TMEM132E: variants seen among roughly 807,000 people sequenced by gnomAD.
TMEM132E encodes transmembrane protein 132E.
TMEM132E carries 49 observed loss-of-function variants against 78.5 expected under a neutral mutation model. The observed-to-expected ratio is 0.62, with a 90% CI of 0.50 to 0.79. TMEM132E has a LOEUF of 0.79. TMEM132E is among the 30% of genes least tolerant of loss of function. The pLI, the probability that TMEM132E is intolerant of heterozygous loss-of-function variation, is 0.00. For synonymous variants in TMEM132E, 715 were observed against 670.6 expected, an observed-to-expected ratio of 1.07 and a Z score of -1.02; for missense variants, 1,403 against 1,470.9, an observed-to-expected ratio of 0.95 and a Z score of 0.75.
chr17:34,602,188 G>A (rs540129021), intron 1 of TMEM132E, among the ~76,000 whole-genome samples: 111 of 152,362 alleles, frequency 7.3e-4, no homozygotes, highest in African/African-American at 2.5e-3. Flanking sequence ...AGCTGCCTCC[G>A]CATGGCCTCC....
chr17:34,613,040 G>A (rs911609748), intron 1 of TMEM132E, among the ~76,000 whole-genome samples: 1 of 151,836 alleles, frequency 6.6e-6, no homozygotes, highest in South Asian at 2.1e-4. Flanking sequence ...CTTGCCCAGG[G>A]CTGAATGGGC....
Position 34,637,772 on chromosome 17 carries a change from C to T in TMEM132E, c.2765C>T (p.Pro922Leu). The T allele has an allele frequency of 6.2e-7, 1 of 1,613,532 alleles. No homozygotes were observed. Among genetic ancestry groups the T allele is most frequent in the Non-Finnish European group, 8.5e-7 (1 of 1,179,986 alleles). ...CTGCGCTACCGGCACAAGCGCATCCCGCCCGAGGGCCAGACCAGCATGGAC... is the reference window on the plus strand; with the variant it reads ...CTGCGCTACCGGCACAAGCGCATCCTGCCCGAGGGCCAGACCAGCATGGAC... Reference protein sequence around the residue: ...FVLRYRHKRIPPEGQTSMDHS... With the variant: ...FVLRYRHKRILPEGQTSMDHS... The change falls in exon 9 of 9, where the codon CCG becomes CTG. Residue 922 changes from proline (P) to leucine (L), a missense_variant. Transcript: ENST00000631683.
chr17:34,627,899 C>T (rs941012046), intron 2 of TMEM132E, among the ~76,000 whole-genome samples: 2 of 152,212 alleles, frequency 1.3e-5, no homozygotes, highest in African/African-American at 4.8e-5. Context: ...CATCAGAGAT[C>T]TTGGGCTGCA....
At chr17:34,611,319 G>A (rs1274098213) in intron 1 of TMEM132E, among the ~76,000 whole-genome samples, 1 of 152,230 alleles carries the variant, frequency 6.6e-6, no homozygotes, top group Non-Finnish European at 1.5e-5. Context: ...AGGAAGGTAA[G>A]CAGCCCTAAG....
chr17:34,626,892 G>A lies in TMEM132E; in HGVS notation c.833G>A (p.Arg278His), dbSNP rs761269980. ...LLRIGSISLF[R>H]PPPRRTLQEH... is the part of the protein sequence containing the mutation. ...CGCATCGGGAGCATCAGCCTGTTCC[G>A]CCCGCCCCCCAGGAGGACCCTGCAG... Residue 278 changes from arginine to histidine, a missense_variant, in exon 2 of 9, where the codon CGC becomes CAC. By Grantham distance (29) the Arg-to-His change is conservative (BLOSUM62 0). Around this residue, in one of 3 missense-constraint regions of TMEM132E, gnomAD observed 511 missense variants for 499.0 expected, o/e 1.02. Coordinates refer to ENST00000631683, the MANE Select transcript of TMEM132E (RefSeq NM_001304438.2). 14 of 1,612,198 alleles carry A rather than the reference G, an allele frequency of 8.7e-6. No individual in the cohort carries two copies. The highest frequency in any genetic ancestry group is 8.5e-6 in the Non-Finnish European group (10 of 1,179,880).
At chr17:34,591,213 C>T (rs1449943869) in intron 1 of TMEM132E, among the ~76,000 whole-genome samples, 1 of 152,128 alleles carries the variant, frequency 6.6e-6, no homozygotes, top group Non-Finnish European at 1.5e-5. Context: ...GTTCTGACCC[C>T]TTGGTGTACA....
At chr17:34,634,733 G>A in intron 6 of TMEM132E, 66 bp from the exon 7 acceptor site, 9 of 1,513,856 alleles carry the variant, frequency 5.9e-6, no homozygotes, top group African/African-American at 1.4e-5. Flanking sequence ...GCAAGGGTGC[G>A]GGGTGTGTAC....
In TMEM132E at chr17:34,626,688, C is replaced by A; in HGVS notation, c.629C>A (p.Thr210Lys). 2 of 1,394,766 alleles carry A rather than the reference C, an allele frequency of 1.4e-6. No individual in the cohort carries two copies. Among genetic ancestry groups the A allele is most frequent in the Non-Finnish European group, 1.9e-6 (2 of 1,067,574 alleles). The allele number at this position is 1,394,766 out of a possible 1,614,324, so 86.4% of individuals were successfully genotyped here. A position where few individuals can be genotyped will look rare whatever the true frequency, so the allele number is the denominator to read the frequency against. Residue 210 changes from threonine to lysine, a missense_variant, in exon 2 of 9, where the codon ACG (threonine) becomes AAG (lysine). Transcript: ENST00000631683. ...CCCCCAGCCCCCGCTGCGCCACCCA[C>A]GGCCCGCCGCAAGTCCCCGGACGGG... ...FGPPAPAAPP[T>K]ARRKSPDGLE...
At chr17:34,633,847 T>C (rs1284019152) in intron 6 of TMEM132E, among the ~76,000 whole-genome samples, 4 of 152,202 alleles carry the variant, frequency 2.6e-5, no homozygotes, top group South Asian at 2.1e-4. Context: ...TCCTGGGTGA[T>C]AGCGATACTG....
chr17:34,636,079 A>C lies in TMEM132E; in HGVS notation c.2050A>C (p.Thr684Pro). 1 of 1,593,194 alleles carries C rather than the reference A, an allele frequency of 6.3e-7. No homozygotes were observed. Among genetic ancestry groups the C allele is most frequent in the Middle Eastern group, 1.9e-4 (1 of 5,394 alleles). The part of the protein sequence containing the change: ...LTVTEEKVSI[T>P]QLQAQVVASL... ...GGTGACTGAGGAGAAGGTCAGCATC[A>C]CACAGCTTCAGGCCCAGGTGGTGGC... The change falls in exon 8 of 9, where the codon ACA (threonine) becomes CCA (proline). Residue 684 changes from threonine to proline, a missense_variant. Thr to Pro is a conservative substitution (Grantham distance 38). Around this residue, in one of 3 missense-constraint regions of TMEM132E, gnomAD observed 888 missense variants for 952.8 expected, o/e 0.93. Coordinates refer to ENST00000631683, the MANE Select transcript of TMEM132E (RefSeq NM_001304438.2).
Position 34,638,483 on chromosome 17 carries a change from C to G in TMEM132E, c.*251C>G, listed in dbSNP as rs1597695316. ...CAGTGGCTCGTAAGGAGGAAAGCAA[C>G]CCCAGCCTCTGTTCTGCCCTTTCCA... On this transcript the variant is annotated 3_prime_UTR_variant, in exon 9 of 9. Coordinates refer to ENST00000631683, the MANE Select transcript of TMEM132E (RefSeq NM_001304438.2). 6 of 451,126 alleles carry G rather than the reference C, an allele frequency of 1.3e-5. No individual in the cohort carries two copies. The East Asian group carries it at 2.1e-4, about 16-fold the overall frequency. The allele number at this position is 451,126 out of a possible 1,614,324, so 27.9% of individuals were successfully genotyped here.
intron 1 of TMEM132E, among the ~76,000 whole-genome samples, chr17:34,611,388 G>T (rs1200918123): frequency 2.6e-5 from 4 of 152,212 alleles, no homozygotes; most frequent in Non-Finnish European, 5.9e-5. Context: ...GGAGCTGTGA[G>T]ACCTTGGGTG....
chr17:34,626,327 C>G lies in TMEM132E; in HGVS notation c.268C>G (p.Leu90Val). 1 of 1,612,650 alleles carries G rather than the reference C, an allele frequency of 6.2e-7. No homozygotes were observed. The highest frequency in any genetic ancestry group is 1.3e-5 in the African/African-American group (1 of 75,046). ...VVFQTKELPV[L>V]NVSLGPFSTS... ...GTTCCAGACCAAGGAGCTGCCGGTC[C>G]TCAACGTCTCTCTGGGGCCCTTCAG... Residue 90 changes from leucine (L) to valine (V), a missense_variant, in exon 2 of 9, where the codon CTC becomes GTC. Coordinates refer to ENST00000631683, the MANE Select transcript of TMEM132E (RefSeq NM_001304438.2).
chr17:34,588,564 G>C (rs1905756943), intron 1 of TMEM132E, among the ~76,000 whole-genome samples: 1 of 152,156 alleles, frequency 6.6e-6, no homozygotes, highest in Admixed American at 6.5e-5. Flanking sequence ...CTAGGCATTT[G>C]GTTGTAGTCA....
chr17:34,628,787 A>C, intron 3 of TMEM132E, 78 bp downstream of exon 3: 1 of 1,468,732 alleles, frequency 6.8e-7, no homozygotes, highest in Non-Finnish European at 9.0e-7. Flanking sequence ...TTGAAGGAGG[A>C]GGCTAGGCTT....
intron 4 of TMEM132E, 86 bp downstream of exon 4, chr17:34,629,290 A>G (rs1907266960): frequency 2.1e-6 from 3 of 1,419,966 alleles, no homozygotes; most frequent in African/African-American, 1.4e-5. Context: ...ACCACTGAGT[A>G]TATGTACAAA....
rs1462663650 is a variant in TMEM132E at position 34,626,534 on chromosome 17, A to G, written c.475A>G (p.Thr159Ala). The G allele has an allele frequency of 1.9e-6, 3 of 1,600,382 alleles. No homozygotes were observed. Among genetic ancestry groups the G allele is most frequent in the East Asian group, 2.2e-5 (1 of 44,790 alleles). The stretch of plus-strand genomic sequence containing the variant: ...CCGGGACTGGGACGACTTCGGCGTC[A>G]CCGAGCGGCTGCCCTGTGTCCGCCT... The part of the protein sequence containing the change: ...AGRDWDDFGV[T>A]ERLPCVRLHA... Residue 159 changes from threonine to alanine, a missense_variant, in exon 2 of 9, where the codon ACC becomes GCC. Transcript: ENST00000631683.
intron 5 of TMEM132E, 142 bp from the exon 6 acceptor site, chr17:34,632,562 C>A: frequency 1.3e-6 from 1 of 760,318 alleles, no homozygotes; most frequent in Non-Finnish European, 2.2e-6. Flanking sequence ...CCAGAGGAAT[C>A]AGTGCTTCCT....
intron 1 of TMEM132E, among the ~76,000 whole-genome samples, chr17:34,624,470 C>A (rs529685796): frequency 6.6e-6 from 1 of 152,132 alleles, no homozygotes; most frequent in Admixed American, 6.5e-5. Context: ...TCTGAGGAAA[C>A]CCCCAGGAGT....
Sources: allele counts gnomAD v4.1 joint callset (sites outside exome capture counted in the v4.1 genomes callset), GRCh38; gene constraint gnomAD v4.1.1; regional missense constraint gnomAD v4.1.1; transcripts MANE v1.5; gene names NCBI Gene and HGNC (gene_info 2026-07-23, HGNC 2026-07-21).